Variants in FRMPD3 observed in about 807,000 individuals in gnomAD.
The protein encoded by FRMPD3 is FERM and PDZ domain-containing protein 3.
FRMPD3 carries 42 observed loss-of-function variants against 97.9 expected under a neutral mutation model. The ratio of observed to expected loss-of-function variants is 0.43; its 90% confidence interval spans 0.34 to 0.55. The LOEUF is 0.55. Among genes scored for constraint, FRMPD3 ranks in the 20% least tolerant of loss-of-function variants. The pLI is 0.03. For synonymous variants in FRMPD3, 577 were observed against 581.1 expected (o/e 0.99, Z 0.10); for missense variants, 1,303 against 1,457.7 (o/e 0.89, Z 1.73).
chrX:107,552,718 C>A, intron 6 of FRMPD3, 77 bp from the exon 7 acceptor site: 2 of 1,082,387 alleles, frequency 1.8e-6, no homozygotes, highest in Non-Finnish European at 2.5e-6. Flanking sequence ...TGTTTAATCC[C>A]CCCTCCCATG....
intron 1 of FRMPD3, among the ~76,000 whole-genome samples, chrX:107,497,091 TG>T (rs751324004): frequency 1.8e-5 from 2 of 112,591 alleles, no homozygotes; most frequent in Non-Finnish European, 3.8e-5. Context: ...GCACACAAGC[TG>T]TGCCCATAGG....
intron 1 of FRMPD3, among the ~76,000 whole-genome samples, chrX:107,521,391 G>A (rs1354773983): frequency 8.9e-6 from 1 of 112,225 alleles, no homozygotes; most frequent in Non-Finnish European, 1.9e-5. Flanking sequence ...CCCTGGAATT[G>A]TCAGAGTCTC....
intron 1 of FRMPD3, among the ~76,000 whole-genome samples, chrX:107,521,944 C>T (rs112168441): frequency 3.6e-5 from 4 of 112,528 alleles, no homozygotes; most frequent in African/African-American, 1.3e-4. Flanking sequence ...ATATTCTTCT[C>T]GGTTCATTTG....
intron 1 of FRMPD3, among the ~76,000 whole-genome samples, chrX:107,516,377 T>G (rs963493841): frequency 9.0e-6 from 1 of 111,573 alleles, no homozygotes; most frequent in Non-Finnish European, 1.9e-5. Context: ...TTATAATCCT[T>G]TGGGTATATA....
At chrX:107,516,500 A>G (rs1252529643) in intron 1 of FRMPD3, among the ~76,000 whole-genome samples, 2 of 111,372 alleles carry the variant, frequency 1.8e-5, no homozygotes, top group African/African-American at 6.6e-5. Context: ...CAACAGTGTA[A>G]AAGTGTTCCT....
At chrX:107,454,410 T>G (rs1160087128) in intron 1 of FRMPD3, among the ~76,000 whole-genome samples, 1 of 111,507 alleles carries the variant, frequency 9.0e-6, no homozygotes, top group Non-Finnish European at 1.9e-5. Flanking sequence ...CTTGGATAGC[T>G]TGCTCTCAGA....
At chrX:107,494,413 T>A (rs1307272129) in intron 1 of FRMPD3, among the ~76,000 whole-genome samples, 2 of 111,745 alleles carry the variant, frequency 1.8e-5, no homozygotes, top group African/African-American at 6.5e-5. Context: ...TTTCTAAGTA[T>A]CAAAATCCAT....
chrX:107,477,830 G>A (rs1474453285), intron 1 of FRMPD3, among the ~76,000 whole-genome samples: 1 of 111,725 alleles, frequency 9.0e-6, no homozygotes, highest in Admixed American at 9.5e-5. Context: ...TCTAGGATGT[G>A]TCTGGGCCTT....
Position 107,516,935 on chromosome X carries a change from A to C in FRMPD3, c.-7-9647A>C. On this transcript the variant is annotated intron_variant, in intron 1 of 14. Coordinates refer to ENST00000683843, the MANE Select transcript of FRMPD3 (RefSeq NM_001388459.1). ...GTTGCCATTGCTTTTGGTGTTTTAG[A>C]CATGAAGTTTTTGTCTATGCCTATG... is the stretch of plus-strand genomic sequence containing the variant. Among the ~76,000 whole-genome samples the C allele has an allele frequency of 2.7e-5, 3 of 111,470 alleles. 1 individual carries two copies. In the Admixed American group the frequency reaches 2.9e-4, roughly 11 times the overall value.
rs1340672252 is a variant in FRMPD3 at position 107,600,746 on chromosome X, C to G, written c.2707C>G (p.Pro903Ala). ...GTCCCCAGTTCCTGAGGACAAAGGG[C>G]CTGGCCACACTAGGGCAGGCCTAGA... ...LLSPVPEDKG[P>A]GHTRAGLEMS... Residue 903 changes from proline to alanine, a missense_variant, in exon 15 of 15, where the codon CCT becomes GCT. Physicochemically the swap from Pro to Ala is conservative, Grantham distance 27. Around this residue, in one of 3 missense-constraint regions of FRMPD3, gnomAD observed 764 missense variants for 820.2 expected, o/e 0.93. Coordinates refer to ENST00000683843, the MANE Select transcript of FRMPD3 (RefSeq NM_001388459.1). 1 of 1,203,711 alleles carries G rather than the reference C, an allele frequency of 8.3e-7. No individual in the cohort carries two copies. The highest frequency in any genetic ancestry group is 2.2e-5 in the Admixed American group (1 of 45,181).
chrX:107,537,171 G>A (rs767332853), intron 4 of FRMPD3, among the ~76,000 whole-genome samples: 6 of 111,297 alleles, frequency 5.4e-5, no homozygotes, highest in South Asian at 3.8e-4. Context: ...TTACTGCCCC[G>A]TGGACTTTTG....
At chrX:107,461,801 A>G (rs1931479008) in intron 1 of FRMPD3, among the ~76,000 whole-genome samples, 1 of 109,347 alleles carries the variant, frequency 9.1e-6, no homozygotes, top group Non-Finnish European at 1.9e-5. Context: ...ACATATACAT[A>G]TACATATACA....
At chrX:107,578,907 C>T (rs765387956) in intron 13 of FRMPD3, among the ~76,000 whole-genome samples, 20 of 111,410 alleles carry the variant, frequency 1.8e-4, no homozygotes, top group Non-Finnish European at 3.0e-4. Context: ...CATTTTGTCT[C>T]ATGGCCGCTA....
At chrX:107,548,593 C>A (rs1921720110) in intron 5 of FRMPD3, among the ~76,000 whole-genome samples, 1 of 112,858 alleles carries the variant, frequency 8.9e-6, no homozygotes, top group Admixed American at 9.4e-5. Flanking sequence ...TTTGTGCTCT[C>A]ATTTCACCAT....
intron 1 of FRMPD3, among the ~76,000 whole-genome samples, chrX:107,506,708 C>T (rs984291409): frequency 1.8e-5 from 2 of 112,226 alleles, no homozygotes; most frequent in African/African-American, 6.5e-5. Flanking sequence ...CCGACTGTCC[C>T]GGGCGGCGGC....
intron 1 of FRMPD3, among the ~76,000 whole-genome samples, chrX:107,465,199 C>T (rs1395918404): frequency 9.0e-6 from 1 of 111,445 alleles, no homozygotes; most frequent in East Asian, 2.8e-4. Context: ...AGGCTGGGTG[C>T]GGTGGCTCAC....
At chrX:107,512,509 CTT>C (rs1483873184) in intron 1 of FRMPD3, among the ~76,000 whole-genome samples, 2 of 111,934 alleles carry the variant, frequency 1.8e-5, no homozygotes, top group Admixed American at 1.9e-4. Flanking sequence ...CATTTCTCCT[CTT>C]TGTCTTGTTT....
intron 14 of FRMPD3, 45 bp downstream of exon 14, chrX:107,598,187 C>G (rs775018677): frequency 1.9e-6 from 2 of 1,048,766 alleles, no homozygotes; most frequent in South Asian, 4.2e-5. Flanking sequence ...CTTCTCTTGT[C>G]CAACAAGGGC....
At chrX:107,500,421 C>A in intron 1 of FRMPD3, among the ~76,000 whole-genome samples, 1 of 112,083 alleles carries the variant, frequency 8.9e-6, no homozygotes, top group Non-Finnish European at 1.9e-5. Context: ...ACCCTTCCTT[C>A]CTAGCCGGGA....
Sources: gnomAD v4.1 joint callset for allele counts (sites outside exome capture counted in the v4.1 genomes callset) on GRCh38, gnomAD v4.1.1 for gene constraint, gnomAD v4.1.1 regional missense constraint, MANE v1.5 for transcripts, NCBI Gene and HGNC (gene_info 2026-07-23, HGNC 2026-07-21) for gene names.